Variants in PIK3AP1 observed in about 807,000 individuals in gnomAD.
The protein encoded by PIK3AP1 is phosphoinositide 3-kinase adapter protein 1.
PIK3AP1 carries 21 observed loss-of-function variants against 88.1 expected under a neutral mutation model. The observed-to-expected ratio is 0.24, with a 90% confidence interval of 0.17 to 0.34. PIK3AP1 has a LOEUF of 0.34. Ranked by LOEUF, PIK3AP1 falls within the 10% of genes least tolerant of loss-of-function variation. The pLI is 1.00. For synonymous variants in PIK3AP1, 398 were observed against 400.0 expected (o/e 1.00, Z 0.06); for missense variants, 828 against 1,035.7 (o/e 0.80, Z 2.75).
At chr10:96,628,292 A>C in intron 9 of PIK3AP1, 106 bp downstream of exon 9, 1 of 950,006 alleles carries the variant, frequency 1.1e-6, no homozygotes, top group Non-Finnish European at 1.7e-6. Flanking sequence ...CCATGTATGC[A>C]GCAGCCCATT....
At chr10:96,704,720 A>G (rs112709800) in intron 2 of PIK3AP1, among the ~76,000 whole-genome samples, 1,548 of 151,902 alleles carry the variant, frequency 0.01, 30 homozygotes, top group African/African-American at 0.034. Context: ...CTCTATCTCA[A>G]AAAGAAAAAA....
At chr10:96,629,930 A>AAAAAAAAAAAAAAAAAAGAAGAAG (rs776780994) in intron 8 of PIK3AP1, among the ~76,000 whole-genome samples, 2 of 13,724 alleles carry the variant, frequency 1.5e-4, no homozygotes, top group African/African-American at 1.8e-4. Flanking sequence ...AAAAAAAAAA[A>AAAAAAAAAAAAAAAAAAGAAGAAG]AAGAAGAAGA....
chr10:96,622,084 T>G (rs1843091712), intron 11 of PIK3AP1, among the ~76,000 whole-genome samples: 1 of 152,210 alleles, frequency 6.6e-6, no homozygotes, highest in East Asian at 1.9e-4. Flanking sequence ...CTAAGCAGCA[T>G]GAGGCACAGT....
intron 2 of PIK3AP1, among the ~76,000 whole-genome samples, chr10:96,696,898 C>T (rs1366421672): frequency 2.6e-5 from 4 of 152,056 alleles, no homozygotes; most frequent in South Asian, 4.1e-4. Context: ...AATATTAGAT[C>T]GAGACCCAGT....
In PIK3AP1 at chr10:96,701,313, A is replaced by G. The variant is rs147488353; in HGVS notation, c.430+8254T>C. On this transcript the variant is annotated intron_variant, in intron 2 of 16. Coordinates refer to ENST00000339364, the MANE Select transcript of PIK3AP1 (RefSeq NM_152309.3). ...AGTGTGGAAGAGGAGGGTGGAGAGG[A>G]AAGACTTAGGGGAGAAGCAAGGCCA... 3.9e-5 allele frequency among the ~76,000 whole-genome samples: 6 copies of G among 152,204 alleles called. No homozygotes were observed. In the East Asian group the frequency reaches 1.2e-3, roughly 29 times the overall value.
In PIK3AP1 at chr10:96,603,982, G is replaced by A. The variant is rs148107187; in HGVS notation, c.2238C>T (p.Asn746=). The A allele has an allele frequency of 1.4e-5, 23 of 1,603,208 alleles. No homozygotes were observed. In the African/African-American group the frequency reaches 2.1e-4, roughly 15 times the overall value. ...LSVSSGMEGD[N]EDNEVPEVTR... is the part of the protein sequence containing the mutation. The stretch of plus-strand genomic sequence containing the variant: ...GGGGTGGAGTCCCAGCTCTCACCTC[G>A]TTGTCCCCTTCCATCCCGCTGCTCA... Residue 746 remains asparagine, a synonymous_variant, in exon 15 of 17, where the codon AAC becomes AAT. Transcript: ENST00000339364.
chr10:96,611,658 C>T lies in PIK3AP1; in HGVS notation c.2015-1791G>A, dbSNP rs575234971. ...CTCATTTTTGCATTTTTAGTAGAGA[C>T]GGGGTTTCACCATGTTGGCCAGGAT... On this transcript the variant is annotated intron_variant, in intron 13 of 16. Transcript: ENST00000339364. Among the ~76,000 whole-genome samples, 6 of 152,150 alleles carry T rather than the reference C, an allele frequency of 3.9e-5. No individual in the cohort carries two copies. In the East Asian group the frequency reaches 5.8e-4, roughly 15 times the overall value.
intron 2 of PIK3AP1, among the ~76,000 whole-genome samples, chr10:96,681,986 ATG>A (rs1564982331): frequency 9.3e-6 from 1 of 107,808 alleles, no homozygotes; most frequent in Non-Finnish European, 1.8e-5. Context: ...ACATAAATAT[ATG>A]TGTGTGTATA....
Position 96,620,467 on chromosome 10 carries a change from A to G in PIK3AP1, c.1826T>C (p.Ile609Thr). ...CAGCTTCACCTGCTCCTGGAGGGTG[A>G]TAAGCTGCCGCTGGCCTGGCGTTTT... ...GMKTPGQRQL[I>T]TLQEQVKLGI... is the part of the protein sequence containing the mutation. The change falls in exon 12 of 17, where the codon ATC becomes ACC. Residue 609 changes from isoleucine to threonine, a missense_variant. Physicochemically the swap from Ile to Thr is moderately conservative, Grantham distance 89. Around this residue, in one of 3 missense-constraint regions of PIK3AP1, gnomAD observed 27 missense variants for 67.1 expected, o/e 0.40. Coordinates refer to ENST00000339364, the MANE Select transcript of PIK3AP1 (RefSeq NM_152309.3). 2 of 1,614,168 alleles carry G rather than the reference A, an allele frequency of 1.2e-6. No homozygotes were observed. The highest frequency in any genetic ancestry group is 8.5e-7 in the Non-Finnish European group (1 of 1,180,020).
At chr10:96,663,832 C>A (rs1843727220) in intron 2 of PIK3AP1, among the ~76,000 whole-genome samples, 1 of 152,106 alleles carries the variant, frequency 6.6e-6, no homozygotes, top group Admixed American at 6.5e-5. Flanking sequence ...AAATATCATT[C>A]ATTCTCACTA....
intron 2 of PIK3AP1, among the ~76,000 whole-genome samples, chr10:96,678,149 G>A (rs1199564165): frequency 3.3e-5 from 5 of 151,940 alleles, no homozygotes; most frequent in Non-Finnish European, 7.4e-5. Context: ...AAAAAAAATT[G>A]TAGGCTGGGC....
intron 6 of PIK3AP1, among the ~76,000 whole-genome samples, chr10:96,649,339 C>T (rs532227326): frequency 1.8e-4 from 27 of 152,106 alleles, no homozygotes; most frequent in African/African-American, 3.1e-4. Flanking sequence ...CCACCATACC[C>T]GGCCATAACA....
At chr10:96,643,256 TA>T (rs1363387198) in intron 8 of PIK3AP1, among the ~76,000 whole-genome samples, 1 of 152,204 alleles carries the variant, frequency 6.6e-6, no homozygotes, top group African/African-American at 2.4e-5. Context: ...GAACCACGAC[TA>T]AAATGCATGG....
At chr10:96,696,400 C>A (rs1408252947) in intron 2 of PIK3AP1, among the ~76,000 whole-genome samples, 1 of 152,148 alleles carries the variant, frequency 6.6e-6, no homozygotes, top group East Asian at 1.9e-4. Flanking sequence ...AGAATGAAGA[C>A]CATATGACAA....
At chr10:96,610,954 G>A (rs1038893634) in intron 13 of PIK3AP1, among the ~76,000 whole-genome samples, 1 of 152,156 alleles carries the variant, frequency 6.6e-6, no homozygotes, top group Non-Finnish European at 1.5e-5. Flanking sequence ...CTTTGGGGAC[G>A]AGTGCTTTTA....
chr10:96,703,368 G>A (rs1225321182), intron 2 of PIK3AP1, among the ~76,000 whole-genome samples: 1 of 152,036 alleles, frequency 6.6e-6, no homozygotes, highest in Non-Finnish European at 1.5e-5. Context: ...GGAGGGGCGA[G>A]GCAAAGAGAA....
Position 96,709,772 on chromosome 10 carries a change from C to T in PIK3AP1, c.225G>A (p.Leu75=), listed in dbSNP as rs1335077759. The change falls in exon 2 of 17, where the codon CTG becomes CTA. Residue 75 remains leucine (L), a synonymous_variant. Transcript: ENST00000339364. The part of the protein sequence containing the change: ...RCVVVLLSAE[L]VQHFHKPALL... Reference sequence around the variant, plus strand: ...AGGCGGGCTTGTGGAAGTGCTGCACCAGCTCCGCGGACAGCAGCACCACGA... The same window carrying T: ...AGGCGGGCTTGTGGAAGTGCTGCACTAGCTCCGCGGACAGCAGCACCACGA... The T allele has an allele frequency of 2.5e-6, 4 of 1,613,646 alleles. No homozygotes were observed. The highest frequency in any genetic ancestry group is 1.3e-5 in the African/African-American group (1 of 74,938).
At chr10:96,646,040 AC>A (rs1312173823) in intron 7 of PIK3AP1, among the ~76,000 whole-genome samples, 2 of 152,170 alleles carry the variant, frequency 1.3e-5, no homozygotes, top group African/African-American at 4.8e-5. Context: ...CAAGTGGATC[AC>A]CTGAGGTCAG....
At chr10:96,620,025 G>GA (rs1304489470) in intron 12 of PIK3AP1, among the ~76,000 whole-genome samples, 2 of 152,152 alleles carry the variant, frequency 1.3e-5, no homozygotes, top group African/African-American at 4.8e-5. Context: ...GAGAGACTCT[G>GA]AAAAGAAAAA....
Sources: allele counts gnomAD v4.1 joint callset (sites outside exome capture counted in the v4.1 genomes callset), GRCh38; gene constraint gnomAD v4.1.1; regional missense constraint gnomAD v4.1.1; transcripts MANE v1.5; gene names NCBI Gene and HGNC (gene_info 2026-07-23, HGNC 2026-07-21).